The following SLIT3 variants were observed in gnomAD, a reference collection of about 807,000 sequenced individuals.
SLIT3 encodes the protein slit homolog 3 protein.
Under a neutral mutation model 184.0 loss-of-function variants are expected in SLIT3, and 68 were observed. The observed-to-expected ratio is 0.37, with a 90% CI of 0.30 to 0.45. The LOEUF (loss-of-function observed/expected upper bound fraction) is 0.45. Among genes scored for constraint, SLIT3 ranks in the 20% least tolerant of loss-of-function variants. The probability of loss-of-function intolerance (pLI) is 1.00; values close to 1 mark genes in which losing one functional copy is unlikely to be tolerated. For synonymous variants in SLIT3, 831 were observed against 828.6 expected (o/e 1.00, Z -0.05); for missense variants, 1,707 against 2,026.0 (o/e 0.84, Z 3.02).
At chr5:169,047,036 G>A (rs140142943) in intron 4 of SLIT3, among the ~76,000 whole-genome samples, 3 of 152,234 alleles carry the variant, frequency 2.0e-5, no homozygotes, top group East Asian at 3.9e-4. Context: ...ATTTAAGGAG[G>A]ATTCAAGTTC....
chr5:168,699,879 C>A (rs1453749406), intron 27 of SLIT3, among the ~76,000 whole-genome samples: 1 of 152,172 alleles, frequency 6.6e-6, no homozygotes, highest in East Asian at 1.9e-4. Context: ...GTGGAAGTGC[C>A]AGACGGGCAG....
intron 4 of SLIT3, among the ~76,000 whole-genome samples, chr5:168,891,117 G>A (rs1276138087): frequency 2.0e-5 from 3 of 152,140 alleles, no homozygotes; most frequent in Non-Finnish European, 4.4e-5. Flanking sequence ...CTATCTTCAT[G>A]TTCTAGCATG....
At chr5:168,761,865 G>A (rs142148021) in intron 15 of SLIT3, among the ~76,000 whole-genome samples, 14 of 151,148 alleles carry the variant, frequency 9.3e-5, no homozygotes, top group East Asian at 1.9e-4. Flanking sequence ...TAGCCTCTCC[G>A]GTAGCTGAGA....
chr5:169,290,062 C>T (rs563423778), intron 1 of SLIT3, among the ~76,000 whole-genome samples: 4 of 150,022 alleles, frequency 2.7e-5, no homozygotes, highest in Non-Finnish European at 6.0e-5. Context: ...AGGGCACACA[C>T]TAGGACATAT....
At chr5:169,105,601 G>A (rs1760173853) in intron 4 of SLIT3, among the ~76,000 whole-genome samples, 1 of 152,188 alleles carries the variant, frequency 6.6e-6, no homozygotes, top group South Asian at 2.1e-4. Flanking sequence ...ATATCCCGAG[G>A]CCATCCCTGG....
chr5:169,298,058 T>C (rs771604075), intron 1 of SLIT3, among the ~76,000 whole-genome samples: 7 of 152,142 alleles, frequency 4.6e-5, no homozygotes, highest in Non-Finnish European at 7.4e-5. Context: ...TGCAGGACTT[T>C]GGTGGTGAAG....
At chr5:168,760,718 G>T in intron 16 of SLIT3, 144 bp downstream of exon 16, 1 of 638,596 alleles carries the variant, frequency 1.6e-6, no homozygotes, top group East Asian at 2.6e-5. Flanking sequence ...CTTCCTAACA[G>T]AGGCCACAGC....
At chr5:168,696,752 A>G (rs1194943596) in intron 27 of SLIT3, among the ~76,000 whole-genome samples, 1 of 152,128 alleles carries the variant, frequency 6.6e-6, no homozygotes, top group East Asian at 1.9e-4. Flanking sequence ...TTTCCTGGAT[A>G]TGGCTTAAAT....
intron 1 of SLIT3, among the ~76,000 whole-genome samples, chr5:169,272,100 G>T (rs992603390): frequency 6.6e-6 from 1 of 152,214 alleles, no homozygotes; most frequent in Non-Finnish European, 1.5e-5. Flanking sequence ...GGGTAAGGGG[G>T]CTGGGGATCT....
At chr5:169,207,616 G>A (rs1329727465) in intron 3 of SLIT3, among the ~76,000 whole-genome samples, 1 of 152,130 alleles carries the variant, frequency 6.6e-6, no homozygotes, top group East Asian at 1.9e-4. Flanking sequence ...AGGCTTAAAA[G>A]AACTAAGAAC....
chr5:168,844,798 C>A, intron 5 of SLIT3, 143 bp from the exon 6 acceptor site: 1 of 651,602 alleles, frequency 1.5e-6, no homozygotes, highest in South Asian at 1.8e-5. Flanking sequence ...GCCAGCCTGT[C>A]TGCCACGCTG....
intron 5 of SLIT3, among the ~76,000 whole-genome samples, chr5:168,851,382 G>A (rs773305427): frequency 1.3e-5 from 2 of 149,950 alleles, no homozygotes; most frequent in Non-Finnish European, 3.0e-5. Flanking sequence ...TAATTTTGGC[G>A]AGTTTAAATT....
intron 4 of SLIT3, among the ~76,000 whole-genome samples, chr5:169,079,879 G>C (rs1221218031): frequency 2.0e-5 from 3 of 148,372 alleles, no homozygotes; most frequent in African/African-American, 7.5e-5. Flanking sequence ...GGTGGAGGAG[G>C]AGGAAGAGCA....
Position 168,673,220 on chromosome 5 carries a change from C to T in SLIT3, c.3798G>A (p.Gln1266=). The T allele has an allele frequency of 1.2e-6, 2 of 1,614,178 alleles. No individual in the cohort carries two copies. Among genetic ancestry groups the T allele is most frequent in the Non-Finnish European group, 1.7e-6 (2 of 1,180,038 alleles). The change falls in exon 33 of 36, where the codon CAG becomes CAA. Residue 1266 remains glutamine (Q), a synonymous_variant. Coordinates refer to ENST00000519560, the MANE Select transcript of SLIT3 (RefSeq NM_003062.4). ...KGTPKSLGKL[Q]KQPAVGINSP... ...TGTTGATGCCCACTGCTGGCTGCTT[C>T]TGGAGCTTCCCCAGGCTCTTTGGAG...
At chr5:169,280,340 AT>A (rs552859777) in intron 1 of SLIT3, among the ~76,000 whole-genome samples, 49 of 150,576 alleles carry the variant, frequency 3.3e-4, no homozygotes, top group Admixed American at 4.0e-4. Flanking sequence ...GAGGGTTCCA[AT>A]TTTTTTTTTC....
chr5:169,106,352 T>C (rs749131854), intron 4 of SLIT3, among the ~76,000 whole-genome samples: 1 of 152,024 alleles, frequency 6.6e-6, no homozygotes, highest in African/African-American at 2.4e-5. Context: ...TGTTAAATAG[T>C]ATGAGTGGCT....
intron 8 of SLIT3, among the ~76,000 whole-genome samples, chr5:168,811,020 T>C (rs141499986): frequency 0.014 from 2,075 of 152,238 alleles, 15 homozygotes; most frequent in Middle Eastern, 0.024. Context: ...AGCCACATTG[T>C]TCTTCTCCTA....
chr5:168,956,789 C>G (rs1464146797), intron 4 of SLIT3, among the ~76,000 whole-genome samples: 1 of 151,226 alleles, frequency 6.6e-6, no homozygotes, highest in Admixed American at 6.6e-5. Flanking sequence ...GACACTCCAT[C>G]AAAACAAACA....
intron 4 of SLIT3, among the ~76,000 whole-genome samples, chr5:168,891,608 G>A (rs533434401): frequency 2.0e-5 from 3 of 152,284 alleles, no homozygotes; most frequent in South Asian, 4.1e-4. Context: ...AACAGTCCTG[G>A]AGCTGTGACT....
Sources: allele counts gnomAD v4.1 joint callset (sites outside exome capture counted in the v4.1 genomes callset), GRCh38; gene constraint gnomAD v4.1.1; transcripts MANE v1.5; gene names NCBI Gene and HGNC (gene_info 2026-07-23, HGNC 2026-07-21).